The following ECSIT variants were observed in gnomAD, a reference collection of about 807,000 sequenced individuals.
The protein encoded by ECSIT is ECSIT signaling integrator, also known as evolutionarily conserved signaling intermediate in Toll pathway, mitochondrial.
Under a neutral mutation model 36.8 loss-of-function variants are expected in ECSIT, and 29 were observed. The ratio of observed to expected loss-of-function variants is 0.79; its 90% CI spans 0.59 to 1.08. The LOEUF (loss-of-function observed/expected upper bound fraction) is 1.08, where lower values mean the gene tolerates loss of function less well. ECSIT is among the 50% of genes least tolerant of loss of function. The pLI, the probability that ECSIT is intolerant of heterozygous loss-of-function variation, is 0.00. For synonymous variants in ECSIT, 231 were observed against 234.8 expected (o/e 0.98, Z 0.15); for missense variants, 542 against 581.0 (o/e 0.93, Z 0.69).
chr19:11,514,075 ACCAGGCG>A lies in ECSIT; in HGVS notation c.236_242del (p.Ala79ValfsTer93). ...GGAAGCTCGCCTTGTCCCGTTCCCC[ACCAGGCG>A]CCTGCCCAAACAGGTCCTCAAAGGG... On this transcript the variant is annotated frameshift_variant, in exon 3 of 8. Transcript: ENST00000270517. LOFTEE classifies it high-confidence loss of function. 1 of 1,614,046 alleles carries A rather than the reference ACCAGGCG, an allele frequency of 6.2e-7. No homozygotes were observed. The highest frequency in any genetic ancestry group is 1.1e-5 in the South Asian group (1 of 91,084).
intron 1 of ECSIT, among the ~76,000 whole-genome samples, chr19:11,527,321 CTAAA>C (rs1050042340): frequency 3.3e-5 from 5 of 152,008 alleles, no homozygotes; most frequent in Admixed American, 2.0e-4. Context: ...GATTCCATCG[CTAAA>C]TAAATAAATA....
intron 1 of ECSIT, among the ~76,000 whole-genome samples, chr19:11,520,770 C>T (rs954313589): frequency 2.0e-5 from 3 of 150,682 alleles, no homozygotes; most frequent in African/African-American, 7.3e-5. Flanking sequence ...CTCAGCCTCC[C>T]GAAGTGCTGG....
intron 1 of ECSIT, chr19:11,528,674 A>G (rs955749683): frequency 3.3e-5 from 5 of 152,238 alleles, no homozygotes; most frequent in Admixed American, 1.3e-4. Context: ...ACGAGTAACA[A>G]CTGAACGGAA....
intron 1 of ECSIT, among the ~76,000 whole-genome samples, chr19:11,526,703 C>G (rs890961613): frequency 2.0e-5 from 3 of 151,024 alleles, no homozygotes; most frequent in Non-Finnish European, 2.9e-5. Flanking sequence ...GTTCTCCCCA[C>G]TATGGCCAGA....
chr19:11,514,464 A>G (rs1479253511), intron 2 of ECSIT, among the ~76,000 whole-genome samples: 1 of 151,330 alleles, frequency 6.6e-6, no homozygotes, highest in Non-Finnish European at 1.5e-5. Context: ...ACTGCCACGG[A>G]GGCAACTTGG....
At chr19:11,512,935 C>G in intron 4 of ECSIT, 121 bp downstream of exon 4, 1 of 1,009,782 alleles carries the variant, frequency 9.9e-7, no homozygotes, top group Admixed American at 1.9e-5. Flanking sequence ...AGAGCAAGAC[C>G]CTGTCTCAAA....
At chr19:11,507,892 C>G in intron 5 of ECSIT, 42 bp from the exon 6 acceptor site, 1 of 1,613,878 alleles carries the variant, frequency 6.2e-7, no homozygotes, top group Non-Finnish European at 8.5e-7. Flanking sequence ...GCAAGGGACT[C>G]GGCCCAGAGG....
chr19:11,525,742 C>CAAAA (rs61614904), intron 1 of ECSIT: 1 of 121,986 alleles, frequency 8.2e-6, no homozygotes, highest in Non-Finnish European at 1.8e-5. Flanking sequence ...TCTCTACTAA[C>CAAAA]AAAAAAAAAA....
chr19:11,511,793 G>A (rs558332065), intron 4 of ECSIT, among the ~76,000 whole-genome samples: 1 of 152,154 alleles, frequency 6.6e-6, no homozygotes. Flanking sequence ...CCAGCACTTT[G>A]GGAGGCCGAG....
intron 3 of ECSIT, 90 bp from the exon 4 acceptor site, chr19:11,513,369 T>A: frequency 2.0e-6 from 2 of 996,342 alleles, no homozygotes; most frequent in Non-Finnish European, 3.2e-6. Flanking sequence ...GTGAGGGAAT[T>A]GATCACAGAC....
At position 11,507,533 on chromosome 19, in the gene ECSIT, G is replaced by T. The variant is rs769739912; in HGVS notation, c.975C>A (p.Asn325Lys). The change falls in exon 7 of 8, where the codon AAC becomes AAA. Residue 325 changes from asparagine (N) to lysine (K), a missense_variant. Transcript: ENST00000270517. ...REVEETPEEW[N>K]LYYPMQLDLE... ...GGTCCAGCTGCATCGGGTAGTAGAGGTTCCACTCCTCCGGCGTCTCTTCCA... is the reference window on the plus strand; with the variant it reads ...GGTCCAGCTGCATCGGGTAGTAGAGTTTCCACTCCTCCGGCGTCTCTTCCA... 3.1e-6 allele frequency: 5 copies of T among 1,613,960 alleles called. No individual in the cohort carries two copies. The highest frequency in any genetic ancestry group is 2.2e-5 in the East Asian group (1 of 44,888).
Position 11,507,506 on chromosome 19 carries a change from C to G in ECSIT, c.1002G>C (p.Leu334=). The change falls in exon 7 of 8, where the codon CTG becomes CTC. Residue 334 remains leucine (L), a synonymous_variant. Transcript: ENST00000270517. ...WNLYYPMQLD[L]EYVRSGWDNY... Reference sequence around the variant, plus strand: ...TGTCCCAGCCACTCCTCACATACTCCAGGTCCAGCTGCATCGGGTAGTAGA... The same window carrying G: ...TGTCCCAGCCACTCCTCACATACTCGAGGTCCAGCTGCATCGGGTAGTAGA... 1 of 1,614,072 alleles carries G rather than the reference C, an allele frequency of 6.2e-7. No individual in the cohort carries two copies. The highest frequency in any genetic ancestry group is 8.5e-7 in the Non-Finnish European group (1 of 1,180,002).
intron 7 of ECSIT, 100 bp downstream of exon 7, chr19:11,507,357 A>T (rs1361628403): frequency 1.1e-6 from 1 of 934,142 alleles, no homozygotes; most frequent in African/African-American, 1.6e-5. Context: ...GTTCACTGCA[A>T]CCTCAACTCC....
intron 1 of ECSIT, among the ~76,000 whole-genome samples, chr19:11,523,111 A>G (rs1029313871): frequency 6.6e-5 from 10 of 152,062 alleles, no homozygotes; most frequent in African/African-American, 2.4e-4. Flanking sequence ...TACCTCCTCC[A>G]CCACCTCTTC....
chr19:11,526,830 A>G (rs1003035472), intron 1 of ECSIT, among the ~76,000 whole-genome samples: 14 of 149,244 alleles, frequency 9.4e-5, no homozygotes, highest in African/African-American at 3.2e-4. Context: ...GTTGGTTCTC[A>G]TGCCTCAGCC....
chr19:11,513,028 A>C (rs1415155026), intron 4 of ECSIT, 28 bp downstream of exon 4: 1 of 1,609,050 alleles, frequency 6.2e-7, no homozygotes, highest in Non-Finnish European at 8.5e-7. Context: ...CTGGGGTGGC[A>C]GCTGACGCTG....
At chr19:11,508,183 G>C (rs1971796871) in intron 4 of ECSIT, 135 bp from the exon 5 acceptor site, 1 of 1,017,998 alleles carries the variant, frequency 9.8e-7, no homozygotes, top group South Asian at 1.3e-5. Flanking sequence ...CCTCCAACCT[G>C]TCCCCTCCTC....
Position 11,506,152 on chromosome 19 carries a change from G to GGCCACAGCCCGTGCCCTCGC in ECSIT, c.*12_*31dup. On this transcript the variant is annotated 3_prime_UTR_variant, in exon 8 of 8. Transcript: ENST00000270517. The stretch of plus-strand genomic sequence containing the variant: ...ATGCCTTCAGTCCACCGCCTCCTCG[G>GGCCACAGCCCGTGCCCTCGC]GCCACAGCCCGTGCCCTCGCGCCGG... The GGCCACAGCCCGTGCCCTCGC allele has an allele frequency of 6.3e-7, 1 of 1,599,160 alleles. No individual in the cohort carries two copies. Among genetic ancestry groups the GGCCACAGCCCGTGCCCTCGC allele is most frequent in the Non-Finnish European group, 8.5e-7 (1 of 1,178,638 alleles).
chr19:11,513,645 G>A (rs1363818563), intron 3 of ECSIT, among the ~76,000 whole-genome samples, 159 bp downstream of exon 3: 1 of 150,718 alleles, frequency 6.6e-6, no homozygotes, highest in East Asian at 2.0e-4. Flanking sequence ...AGGGAGGCAA[G>A]AAAGAGAGAT....
Sources: allele counts gnomAD v4.1 joint callset (sites outside exome capture counted in the v4.1 genomes callset), GRCh38; gene constraint gnomAD v4.1.1; transcripts MANE v1.5; gene names NCBI Gene and HGNC (gene_info 2026-07-23, HGNC 2026-07-21).